The following JAK2 variants were observed in gnomAD, a reference collection of about 807,000 sequenced individuals.
JAK2 encodes tyrosine-protein kinase JAK2.
A neutral mutation model predicts 139.3 loss-of-function variants in JAK2; 86 were observed. That is an observed-to-expected ratio of 0.62 (90% CI 0.52 to 0.74). The LOEUF (loss-of-function observed/expected upper bound fraction) is 0.74, where lower values mean the gene tolerates loss of function less well. Ranked by LOEUF, JAK2 falls within the 30% of genes least tolerant of loss-of-function variation. The pLI, the probability that JAK2 is intolerant of heterozygous loss-of-function variation, is 0.00. For synonymous variants in JAK2, 490 were observed against 437.7 expected, an observed-to-expected ratio of 1.12 and a Z score of -1.49; for missense variants, 1,421 against 1,360.3, an observed-to-expected ratio of 1.04 and a Z score of -0.70.
At chr9:5,113,865 C>G (rs1304190430) in intron 22 of JAK2, 2 of 209,582 alleles carry the variant, frequency 9.5e-6, no homozygotes, top group East Asian at 1.6e-4. Context: ...CCAGGGACTT[C>G]ACCCTCCCCA....
At chr9:5,000,520 G>A (rs1281383590) in intron 2 of JAK2, among the ~76,000 whole-genome samples, 4 of 152,200 alleles carry the variant, frequency 2.6e-5, no homozygotes, top group African/African-American at 9.6e-5. Flanking sequence ...TAGTCATTGT[G>A]TAGATGGTTT....
chr9:5,049,400 T>A (rs1053362346), intron 5 of JAK2, among the ~76,000 whole-genome samples: 1 of 152,240 alleles, frequency 6.6e-6, no homozygotes, highest in East Asian at 1.9e-4. Context: ...CATCTGAACA[T>A]ATCTGGTGCT....
At chr9:5,084,293 CTTTG>C (rs985678162) in intron 19 of JAK2, among the ~76,000 whole-genome samples, 3 of 152,090 alleles carry the variant, frequency 2.0e-5, no homozygotes, top group African/African-American at 4.8e-5. Flanking sequence ...TTACTTTCAT[CTTTG>C]TTTGTTTGAA....
chr9:5,029,794 G>T lies in JAK2; in HGVS notation c.238G>T (p.Val80Leu). The stretch of plus-strand genomic sequence containing the variant: ...TGCTTCTTTTCTAGGTATCACACCT[G>T]TGTATCATAATATGTTTGCTTTAAT... Reference protein sequence around the residue: ...AASKACGITPVYHNMFALMSE... With the variant: ...AASKACGITPLYHNMFALMSE... Residue 80 changes from valine (V) to leucine (L), a missense_variant, in exon 4 of 25, where the codon GTG becomes TTG. Val to Leu is a conservative substitution (Grantham distance 32). Transcript: ENST00000381652. The T allele has an allele frequency of 6.2e-7, 1 of 1,610,314 alleles. No individual in the cohort carries two copies. The highest frequency in any genetic ancestry group is 8.5e-7 in the Non-Finnish European group (1 of 1,177,604).
At chr9:5,088,977 A>T (rs1440746087) in intron 19 of JAK2, among the ~76,000 whole-genome samples, 2 of 152,238 alleles carry the variant, frequency 1.3e-5, no homozygotes, top group Non-Finnish European at 2.9e-5. Flanking sequence ...GACACATTCC[A>T]TCCAGATCAC....
Position 5,054,472 on chromosome 9 carries a change from G to GA in JAK2, c.615-86dup. The GA allele has an allele frequency of 9.0e-7, 1 of 1,108,846 alleles. No homozygotes were observed. The highest frequency in any genetic ancestry group is 1.6e-5 in the African/African-American group (1 of 63,558). The allele number at this position is 1,108,846 out of a possible 1,614,324, so 68.7% of individuals were successfully genotyped here. On this transcript the variant is annotated intron_variant, in intron 6 of 24. Transcript: ENST00000381652. This position sits in a 1 kb window ranked among gnomAD's most constrained non-coding sequence, Gnocchi z 4.9. The stretch of plus-strand genomic sequence containing the variant: ...GTGTTGTAAGGCCTACTTAATCATG[G>GA]AAAAAGGTGGTAACTTCTTTTTCAA...
chr9:5,046,179 T>C (rs1816994220), intron 5 of JAK2, among the ~76,000 whole-genome samples: 1 of 152,206 alleles, frequency 6.6e-6, no homozygotes, highest in South Asian at 2.1e-4. Context: ...TTATCTTCTT[T>C]GCAGAGATGT....
intron 8 of JAK2, among the ~76,000 whole-genome samples, chr9:5,062,547 G>A (rs1250400691): frequency 1.5e-5 from 2 of 132,126 alleles, no homozygotes; most frequent in Non-Finnish European, 3.0e-5. Flanking sequence ...TATCTGCAAG[G>A]AGCAATAAAG....
intron 4 of JAK2, chr9:5,041,922 G>T: frequency 2.5e-6 from 1 of 393,482 alleles, no homozygotes; most frequent in South Asian, 2.0e-5. Flanking sequence ...GCGATGAAAC[G>T]AAATGCTGCT....
chr9:5,048,133 GTTCTT>G (rs1249474921), intron 5 of JAK2, among the ~76,000 whole-genome samples: 8 of 151,762 alleles, frequency 5.3e-5, no homozygotes, highest in Non-Finnish European at 8.8e-5. Context: ...TTATCTACCA[GTTCTT>G]TTCTTTTCTT....
chr9:5,001,428 G>T (rs2129843495), intron 2 of JAK2, among the ~76,000 whole-genome samples: 1 of 152,176 alleles, frequency 6.6e-6, no homozygotes, highest in Admixed American at 6.5e-5. Context: ...TGCTTTTCCT[G>T]CAACAATTGG....
chr9:5,126,265 A>G (rs1321193537), intron 23 of JAK2, 68 bp from the exon 24 acceptor site: 3 of 1,118,394 alleles, frequency 2.7e-6, no homozygotes, highest in African/African-American at 1.6e-5. Context: ...CATTGACTGG[A>G]GGAAATTGAG....
At chr9:5,114,137 C>T (rs565540259) in intron 22 of JAK2, 39 of 377,758 alleles carry the variant, frequency 1.0e-4, no homozygotes, top group African/African-American at 7.5e-4. Context: ...ATCAAGGTAA[C>T]ACCTTTGAGG....
At chr9:5,101,027 G>C (rs1356545837) in intron 22 of JAK2, 1 of 152,290 alleles carries the variant, frequency 6.6e-6, no homozygotes, top group African/African-American at 2.4e-5. Context: ...CATCGGGACT[G>C]GTTGGACAGG....
At chr9:5,065,489 G>C (rs1818508064) in intron 9 of JAK2, among the ~76,000 whole-genome samples, 1 of 152,202 alleles carries the variant, frequency 6.6e-6, no homozygotes, top group Non-Finnish European at 1.5e-5. Context: ...ACTTCCTGCA[G>C]CGATGAAAAT....
chr9:5,029,943 A>T, intron 4 of JAK2, 37 bp downstream of exon 4: 1 of 1,535,204 alleles, frequency 6.5e-7, no homozygotes, highest in Non-Finnish European at 8.8e-7. Context: ...TTAATGCTAA[A>T]AGGCAAAATG....
At chr9:5,010,347 G>A (rs965081247) in intron 2 of JAK2, among the ~76,000 whole-genome samples, 10 of 148,656 alleles carry the variant, frequency 6.7e-5, no homozygotes, top group African/African-American at 2.5e-4. Flanking sequence ...TTTTTTAGAC[G>A]GAGTCTCGCT....
intron 22 of JAK2, among the ~76,000 whole-genome samples, chr9:5,122,423 C>T (rs572037928): frequency 7.9e-5 from 12 of 152,004 alleles, no homozygotes; most frequent in Non-Finnish European, 1.5e-4. Flanking sequence ...CAATTTTTTT[C>T]TCCAGCATAT....
At chr9:5,118,734 A>C (rs1232615266) in intron 22 of JAK2, among the ~76,000 whole-genome samples, 2 of 152,202 alleles carry the variant, frequency 1.3e-5, no homozygotes, top group African/African-American at 4.8e-5. Flanking sequence ...AGTATCATTC[A>C]TTTCTATGAC....
Sources: gnomAD v4.1 joint callset for allele counts (sites outside exome capture counted in the v4.1 genomes callset) on GRCh38, gnomAD v4.1.1 for gene constraint, Gnocchi (gnomAD v3.1) non-coding constraint, MANE v1.5 for transcripts, NCBI Gene and HGNC (gene_info 2026-07-23, HGNC 2026-07-21) for gene names.